The following MTFR1L variants were observed in gnomAD, a reference collection of about 807,000 sequenced individuals.
The protein encoded by MTFR1L is mitochondrial fission regulator 1-like.
A neutral mutation model predicts 27.9 loss-of-function variants in MTFR1L; 10 were observed. The ratio of observed to expected loss-of-function variants is 0.36; its 90% CI spans 0.22 to 0.61. The LOEUF (loss-of-function observed/expected upper bound fraction) is 0.61. Ranked by LOEUF, MTFR1L falls within the 20% of genes least tolerant of loss-of-function variation. The pLI is 0.73. For missense variants in MTFR1L, 315 were observed against 363.7 expected (o/e 0.87, Z 1.09); for synonymous variants, 151 against 139.4 (o/e 1.08, Z -0.58).
At chr1:25,823,860 T>C in intron 3 of MTFR1L, 112 bp downstream of exon 3, 1 of 1,299,406 alleles carries the variant, frequency 7.7e-7, no homozygotes, top group Non-Finnish European at 1.0e-6. Flanking sequence ...TTCATTCTGT[T>C]ATGAAATATT....
chr1:25,820,173 C>T, intron 1 of MTFR1L, 144 bp downstream of exon 1: 1 of 454,290 alleles, frequency 2.2e-6, no homozygotes, highest in South Asian at 1.6e-5. Context: ...CTGTCCGTCT[C>T]ACTTGGCCCG....
rs1387836568 is a variant in MTFR1L, at chr1:25,831,788, T to TATC, written c.774-132_774-130dup. ...TAACCTTTCTGTGCTTCAATTTCCT[T>TATC]ATCTGTGAAAGGGAATTGTAATGGC... On this transcript the variant is annotated intron_variant, in intron 6 of 6. Coordinates refer to ENST00000374303, the MANE Select transcript of MTFR1L (RefSeq NM_001099625.2). The TATC allele has an allele frequency of 7.3e-6, 6 of 827,410 alleles. No homozygotes were observed. The Admixed American group carries it at 1.1e-4, about 15-fold the overall frequency. The allele number at this position is 827,410 out of a possible 1,614,324, so 51.3% of individuals were successfully genotyped here.
intron 1 of MTFR1L, 21 bp downstream of exon 1, chr1:25,820,050 G>T (rs1467295359): frequency 2.5e-6 from 1 of 398,602 alleles, no homozygotes; most frequent in Non-Finnish European, 4.9e-6. Flanking sequence ...TTCTAGGGAG[G>T]CGCGGAGGCG....
intron 5 of MTFR1L, among the ~76,000 whole-genome samples, chr1:25,828,521 C>T (rs1268485969): frequency 6.6e-6 from 1 of 151,806 alleles, no homozygotes; most frequent in Non-Finnish European, 1.5e-5. Flanking sequence ...AGTTGCACCA[C>T]TGCACTCCAG....
chr1:25,829,404 G>A, intron 5 of MTFR1L, 105 bp from the exon 6 acceptor site: 1 of 1,043,124 alleles, frequency 9.6e-7, no homozygotes, highest in Non-Finnish European at 1.4e-6. Context: ...TTGTCATGGT[G>A]TCAGCCCAGG....
chr1:25,831,881 C>A, intron 6 of MTFR1L, 40 bp from the exon 7 acceptor site: 1 of 1,517,744 alleles, frequency 6.6e-7, no homozygotes, highest in Non-Finnish European at 9.2e-7. Context: ...CAGCACTACA[C>A]AGGAAAGAGT....
chr1:25,824,341 C>T (rs1458435629), intron 3 of MTFR1L, among the ~76,000 whole-genome samples: 2 of 152,292 alleles, frequency 1.3e-5, no homozygotes, highest in South Asian at 4.1e-4. Flanking sequence ...TCTTGAGACC[C>T]CTTCTGTGGT....
intron 1 of MTFR1L, 64 bp downstream of exon 1, chr1:25,820,093 G>C (rs894648304): frequency 4.6e-6 from 2 of 435,524 alleles, no homozygotes; most frequent in Non-Finnish European, 9.1e-6. Context: ...TAGTAGACTG[G>C]GTCTACGTGC....
intron 6 of MTFR1L, among the ~76,000 whole-genome samples, chr1:25,830,470 A>C (rs942965741): frequency 2.0e-5 from 3 of 152,188 alleles, no homozygotes; most frequent in African/African-American, 7.2e-5. Flanking sequence ...TCTTTGGGGA[A>C]TACCTACCTT....
At chr1:25,825,468 T>G (rs2048155731) in intron 3 of MTFR1L, among the ~76,000 whole-genome samples, 1 of 152,192 alleles carries the variant, frequency 6.6e-6, no homozygotes, top group African/African-American at 2.4e-5. Flanking sequence ...GTAATCACAG[T>G]CAACATGACT....
intron 6 of MTFR1L, among the ~76,000 whole-genome samples, chr1:25,830,375 C>T (rs926803733): frequency 6.6e-6 from 1 of 152,222 alleles, no homozygotes; most frequent in Non-Finnish European, 1.5e-5. Flanking sequence ...CAGAATTGCT[C>T]AGATTTGTTA....
Position 25,826,539 on chromosome 1 carries a change from A to G in MTFR1L, c.240-76A>G. On this transcript the variant is annotated intron_variant, in intron 4 of 6. Coordinates refer to ENST00000374303, the MANE Select transcript of MTFR1L (RefSeq NM_001099625.2). The surrounding 1 kb of genome is among the most constrained non-coding windows in gnomAD (Gnocchi z 4.1). ...CAGAACCTTACTATACTACTCTCAC[A>G]GAAGTGGGGGAAGGAACCTTAGGAG... 1 of 1,591,046 alleles carries G rather than the reference A, an allele frequency of 6.3e-7. No homozygotes were observed. The highest frequency in any genetic ancestry group is 8.6e-7 in the Non-Finnish European group (1 of 1,160,232).
At position 25,826,488 on chromosome 1, in the gene MTFR1L, A is replaced by G. The variant is rs1054846956; in HGVS notation, c.239+77A>G. ...GGTGGCAGGCAGCAAGGAGAGAGGA[A>G]TGAGAACTGTGGGCTCAGAGAGGAG... On this transcript the variant is annotated intron_variant, in intron 4 of 6. Coordinates refer to ENST00000374303, the MANE Select transcript of MTFR1L (RefSeq NM_001099625.2). This position sits in a 1 kb window ranked among gnomAD's most constrained non-coding sequence, Gnocchi z 4.1. The G allele has an allele frequency of 2.5e-6, 4 of 1,586,250 alleles. No individual in the cohort carries two copies. The African/African-American group carries it at 5.4e-5, about 21-fold the overall frequency.
At chr1:25,827,714 TA>T in intron 5 of MTFR1L, among the ~76,000 whole-genome samples, 1 of 151,886 alleles carries the variant, frequency 6.6e-6, no homozygotes, top group Admixed American at 6.5e-5. Context: ...GTGCTAAGAT[TA>T]TAGGCATGAG....
chr1:25,821,255 G>A (rs894992996), intron 1 of MTFR1L, among the ~76,000 whole-genome samples: 1 of 152,200 alleles, frequency 6.6e-6, no homozygotes, highest in Non-Finnish European at 1.5e-5. Flanking sequence ...GGTTAGGCCC[G>A]GCTGGGTCTT....
At position 25,822,721 on chromosome 1, in the gene MTFR1L, C is replaced by T. The variant is rs1281062690; in HGVS notation, c.-86-298C>T. On this transcript the variant is annotated intron_variant, in intron 1 of 6. Transcript: ENST00000374303. Reference sequence around the variant, plus strand: ...TTTTGTATTTTTAGTAGAGACAGGGCTTCACTGTGTTAGCCAGGATGGTCT... The same window carrying T: ...TTTTGTATTTTTAGTAGAGACAGGGTTTCACTGTGTTAGCCAGGATGGTCT... 5.2e-4 allele frequency: 244 copies of T among 468,856 alleles called. 18 individuals are homozygous for T. In the African/African-American group the frequency reaches 5.8e-3, roughly 11 times the overall value. 29.0% of individuals were successfully genotyped at this position (468,856 alleles called of 1,614,324 possible).
At chr1:25,831,506 A>G (rs1184185827) in intron 6 of MTFR1L, among the ~76,000 whole-genome samples, 3 of 152,242 alleles carry the variant, frequency 2.0e-5, no homozygotes, top group African/African-American at 7.2e-5. Flanking sequence ...AGAATAGCCA[A>G]GAGTCATCAG....
At position 25,832,227 on chromosome 1, in the gene MTFR1L, T is replaced by G; in HGVS notation, c.*201T>G. On this transcript the variant is annotated 3_prime_UTR_variant, in exon 7 of 7. Coordinates refer to ENST00000374303, the MANE Select transcript of MTFR1L (RefSeq NM_001099625.2). ...CCTAGCAGAAGCTAAGGCTTGTGATTTGACCTGAGACATTTGTTTCAGGTA... is the reference window on the plus strand; with the variant it reads ...CCTAGCAGAAGCTAAGGCTTGTGATGTGACCTGAGACATTTGTTTCAGGTA... 1 of 1,449,684 alleles carries G rather than the reference T, an allele frequency of 6.9e-7. No individual in the cohort carries two copies. Among genetic ancestry groups the G allele is most frequent in the Non-Finnish European group, 9.4e-7 (1 of 1,069,488 alleles). 89.8% of individuals were successfully genotyped at this position (1,449,684 alleles called of 1,614,324 possible).
At chr1:25,825,820 C>A (rs2048160139) in intron 3 of MTFR1L, 1 of 158,334 alleles carries the variant, frequency 6.3e-6, no homozygotes, top group Non-Finnish European at 1.4e-5. Flanking sequence ...TGTTTGTAAT[C>A]CCATAGACTC....
Sources: allele counts gnomAD v4.1 joint callset (sites outside exome capture counted in the v4.1 genomes callset), GRCh38; gene constraint gnomAD v4.1.1; non-coding constraint Gnocchi (gnomAD v3.1); transcripts MANE v1.5; gene names NCBI Gene and HGNC (gene_info 2026-07-23, HGNC 2026-07-21).